PKN2: variants seen among roughly 807,000 people sequenced by gnomAD.
The protein encoded by PKN2 is serine/threonine-protein kinase N2.
PKN2 carries 38 observed loss-of-function variants against 119.1 expected under a neutral mutation model. The ratio of observed to expected loss-of-function variants is 0.32; its 90% confidence interval spans 0.25 to 0.42. The LOEUF (loss-of-function observed/expected upper bound fraction) is 0.42, where lower values mean the gene tolerates loss of function less well. PKN2 is among the 10% of genes least tolerant of loss of function. The pLI, the probability that PKN2 is intolerant of heterozygous loss-of-function variation, is 1.00. For synonymous variants in PKN2, 390 were observed against 384.9 expected (o/e 1.01, Z -0.15); for missense variants, 850 against 1,165.1 (o/e 0.73, Z 3.94).
rs1472559000 is a variant in PKN2 at position 88,834,917 on chromosome 1, G to A, written c.*1469G>A. On this transcript the variant is annotated 3_prime_UTR_variant, in exon 22 of 22. Transcript: ENST00000370521. ...TTTGATCCTGTGCTTAGCATGTTAG[G>A]GTCATTATACCTCAGGAATAGCAAG... 1 of 152,160 alleles carries A rather than the reference G, an allele frequency of 6.6e-6. No homozygotes were observed. Among genetic ancestry groups the A allele is most frequent in the African/African-American group, 2.4e-5 (1 of 41,328 alleles). The allele number at this position is 152,160 out of a possible 1,614,324, so 9.4% of individuals were successfully genotyped here. A position where few individuals can be genotyped will look rare whatever the true frequency, so the allele number is the denominator to read the frequency against.
chr1:88,765,142 T>C (rs1033445172), intron 3 of PKN2, among the ~76,000 whole-genome samples: 1 of 152,096 alleles, frequency 6.6e-6, no homozygotes, highest in African/African-American at 2.4e-5. Context: ...TTGGCCAGGC[T>C]GGTCTTGAGC....
chr1:88,794,162 G>A (rs1275259566), intron 8 of PKN2, among the ~76,000 whole-genome samples: 2 of 152,170 alleles, frequency 1.3e-5, no homozygotes, highest in Non-Finnish European at 2.9e-5. Flanking sequence ...GAGGTTGGGA[G>A]TTCAAGACCA....
chr1:88,824,502 T>A, intron 18 of PKN2, 116 bp downstream of exon 18: 1 of 636,258 alleles, frequency 1.6e-6, no homozygotes, highest in Non-Finnish European at 2.8e-6. Context: ...TATTCTTCAT[T>A]AAGACATTGT....
chr1:88,709,690 A>G (rs143521666), intron 1 of PKN2, among the ~76,000 whole-genome samples: 110 of 152,352 alleles, frequency 7.2e-4, no homozygotes, highest in African/African-American at 2.0e-3. Flanking sequence ...GGCTAGATGT[A>G]AACATATCAC....
At chr1:88,748,549 G>C (rs192134220) in intron 2 of PKN2, among the ~76,000 whole-genome samples, 1 of 152,174 alleles carries the variant, frequency 6.6e-6, no homozygotes, top group Admixed American at 6.5e-5. Context: ...AAATATTCAC[G>C]TACAGATTTT....
At chr1:88,716,503 ATAGT>A (rs1263103262) in intron 1 of PKN2, among the ~76,000 whole-genome samples, 12 of 152,154 alleles carry the variant, frequency 7.9e-5, no homozygotes, top group South Asian at 2.1e-4. Flanking sequence ...TATATTTAAG[ATAGT>A]TAGCTCTTTT....
intron 1 of PKN2, among the ~76,000 whole-genome samples, chr1:88,698,881 T>C (rs1166639866): frequency 6.6e-6 from 1 of 152,206 alleles, no homozygotes; most frequent in Non-Finnish European, 1.5e-5. Context: ...TACATTATTA[T>C]TTTTAGTTTT....
intron 17 of PKN2, among the ~76,000 whole-genome samples, chr1:88,823,521 G>A (rs1316955963): frequency 6.6e-6 from 1 of 151,716 alleles, no homozygotes; most frequent in Non-Finnish European, 1.5e-5. Context: ...GGCCAACATG[G>A]TGAAAACCCA....
chr1:88,691,888 ATTAG>A (rs750493157), intron 1 of PKN2, among the ~76,000 whole-genome samples: 3 of 152,190 alleles, frequency 2.0e-5, no homozygotes, highest in South Asian at 2.1e-4. Flanking sequence ...CTATTTTATT[ATTAG>A]TTATTGTTAA....
intron 6 of PKN2, among the ~76,000 whole-genome samples, chr1:88,779,959 A>G (rs1255808098): frequency 6.6e-6 from 1 of 152,232 alleles, no homozygotes; most frequent in African/African-American, 2.4e-5. Flanking sequence ...TCTGTACTTC[A>G]TGTAGTCACC....
intron 1 of PKN2, among the ~76,000 whole-genome samples, chr1:88,720,908 T>G (rs973804102): frequency 2.0e-5 from 3 of 152,222 alleles, no homozygotes; most frequent in African/African-American, 7.2e-5. Flanking sequence ...TTACTTCACT[T>G]AGAATAGTTG....
intron 2 of PKN2, among the ~76,000 whole-genome samples, chr1:88,747,662 CTG>C (rs1478924025): frequency 6.6e-6 from 1 of 152,020 alleles, no homozygotes; most frequent in African/African-American, 2.4e-5. Flanking sequence ...TGTATAGTCT[CTG>C]TTTTCATTTT....
At chr1:88,716,316 G>T (rs112012997) in intron 1 of PKN2, among the ~76,000 whole-genome samples, 6 of 152,244 alleles carry the variant, frequency 3.9e-5, no homozygotes, top group African/African-American at 1.4e-4. Context: ...GGTCTGCTTG[G>T]TGCAGAGCTG....
intron 1 of PKN2, among the ~76,000 whole-genome samples, chr1:88,688,305 T>C (rs1287439908): frequency 6.6e-6 from 1 of 152,176 alleles, no homozygotes; most frequent in Non-Finnish European, 1.5e-5. Context: ...CAGGCTGGTC[T>C]TGAACTCCTG....
In PKN2 at chr1:88,694,223, G is replaced by A. The variant is rs532796766; in HGVS notation, c.48+9595G>A. 2.6e-5 allele frequency among the ~76,000 whole-genome samples: 4 copies of A among 152,238 alleles called. No individual in the cohort carries two copies. The South Asian group carries it at 8.3e-4, about 32-fold the overall frequency. On this transcript the variant is annotated intron_variant, in intron 1 of 21. Transcript: ENST00000370521. ...ATAATGACATGTATCCAGCATTATA[G>A]TATACAGAATAGTGTCCCTGCACTA...
chr1:88,758,038 CAAAAAAA>C (rs33914457), intron 2 of PKN2, among the ~76,000 whole-genome samples: 2 of 59,056 alleles, frequency 3.4e-5, no homozygotes, highest in African/African-American at 6.8e-5. Flanking sequence ...GAGACTATCT[CAAAAAAA>C]AAAAAAAAAA....
At chr1:88,806,189 T>C (rs1443645273) in intron 12 of PKN2, 172 bp downstream of exon 12, 1 of 617,366 alleles carries the variant, frequency 1.6e-6, no homozygotes, top group Non-Finnish European at 2.8e-6. Context: ...AGTTTCACTC[T>C]TGTTACCCAG....
At chr1:88,685,034 C>T (rs1213973919) in intron 1 of PKN2, 1 of 185,322 alleles carries the variant, frequency 5.4e-6, no homozygotes, top group Non-Finnish European at 1.1e-5. Flanking sequence ...CTCCGTACAC[C>T]GCTCCTTAAA....
chr1:88,735,804 G>A (rs1668325703), intron 1 of PKN2, among the ~76,000 whole-genome samples: 1 of 151,716 alleles, frequency 6.6e-6, no homozygotes, highest in Non-Finnish European at 1.5e-5. Context: ...TATTTCTTGG[G>A]GTACACTTAT....
Sources: allele counts gnomAD v4.1 joint callset (sites outside exome capture counted in the v4.1 genomes callset), GRCh38; gene constraint gnomAD v4.1.1; transcripts MANE v1.5; gene names NCBI Gene and HGNC (gene_info 2026-07-23, HGNC 2026-07-21).